Variants in PRKAG2 observed in about 807,000 individuals in gnomAD.
PRKAG2 encodes the protein 5'-AMP-activated protein kinase subunit gamma-2.
Under a neutral mutation model 69.6 loss-of-function variants are expected in PRKAG2, and 26 were observed. The observed-to-expected ratio is 0.37, with a 90% CI of 0.27 to 0.52. The LOEUF is 0.52. Ranked by LOEUF, PRKAG2 falls within the 20% of genes least tolerant of loss-of-function variation. The probability of loss-of-function intolerance (pLI) is 0.90; values close to 1 mark genes in which losing one functional copy is unlikely to be tolerated. For missense variants in PRKAG2, 557 were observed against 740.0 expected (o/e 0.75, Z 2.87); for synonymous variants, 293 against 285.0 (o/e 1.03, Z -0.28).
intron 1 of PRKAG2, among the ~76,000 whole-genome samples, chr7:151,800,226 C>T (rs774954882): frequency 5.2e-4 from 79 of 152,028 alleles, no homozygotes; most frequent in Non-Finnish European, 9.0e-4. Context: ...GGTGTGGTGG[C>T]GGGCACCTGT....
At chr7:151,747,447 C>T (rs1483705605) in intron 3 of PRKAG2, among the ~76,000 whole-genome samples, 1 of 152,116 alleles carries the variant, frequency 6.6e-6, no homozygotes, top group East Asian at 1.9e-4. Context: ...ATCCCAGTTA[C>T]TCAGGAGGCT....
intron 3 of PRKAG2, among the ~76,000 whole-genome samples, chr7:151,748,732 G>A (rs1415273024): frequency 6.6e-6 from 1 of 152,114 alleles, no homozygotes; most frequent in East Asian, 1.9e-4. Flanking sequence ...AAATCAGCAA[G>A]GTACATTCTC....
intron 3 of PRKAG2, among the ~76,000 whole-genome samples, chr7:151,726,277 G>A (rs775766592): frequency 6.6e-6 from 1 of 152,026 alleles, no homozygotes; most frequent in Non-Finnish European, 1.5e-5. Flanking sequence ...AGAGCCGGAT[G>A]GTGGCAGAAG....
At chr7:151,584,149 C>T (rs761336329) in intron 6 of PRKAG2, among the ~76,000 whole-genome samples, 7 of 152,246 alleles carry the variant, frequency 4.6e-5, no homozygotes, top group Non-Finnish European at 1.5e-5. Context: ...ACTCATCTTC[C>T]ATGCCCCTCC....
At chr7:151,590,369 C>A (rs1424517804) in intron 6 of PRKAG2, among the ~76,000 whole-genome samples, 1 of 152,180 alleles carries the variant, frequency 6.6e-6, no homozygotes, top group Non-Finnish European at 1.5e-5. Flanking sequence ...CATAACTCTG[C>A]GGGGTGTGGA....
chr7:151,664,228 C>T (rs982985359), intron 4 of PRKAG2, among the ~76,000 whole-genome samples: 1 of 152,190 alleles, frequency 6.6e-6, no homozygotes, highest in Admixed American at 6.5e-5. Context: ...TGGTTCAAAT[C>T]TTGGCTTTAG....
intron 1 of PRKAG2, among the ~76,000 whole-genome samples, chr7:151,832,046 G>C (rs545240286): frequency 3.0e-4 from 45 of 152,274 alleles, no homozygotes; most frequent in African/African-American, 1.1e-3. Context: ...CAAGATGGAG[G>C]AATCTCAGGA....
In PRKAG2 at chr7:151,866,876, AC is replaced by A. The variant is rs57404506; in HGVS notation, c.114+9630del. Among the ~76,000 whole-genome samples, 656 of 111,132 alleles carry A rather than the reference AC, an allele frequency of 5.9e-3. 4 individuals carry two copies. Among genetic ancestry groups the A allele is most frequent in the African/African-American group, 0.022 (626 of 28,426 alleles). 72.9% of individuals were successfully genotyped at this position (111,132 alleles called of 152,430 possible). A position where few individuals can be genotyped will look rare whatever the true frequency, so the allele number is the denominator to read the frequency against. On this transcript the variant is annotated intron_variant, in intron 1 of 15. Coordinates refer to ENST00000287878, the MANE Select transcript of PRKAG2 (RefSeq NM_016203.4). Reference sequence around the variant, plus strand: ...CCCCACCCCTCGCACACACCTCTGCACCCCTGGCCCCAGGAGGCTAAGTCTT... The same window carrying A: ...CCCCACCCCTCGCACACACCTCTGCACCCTGGCCCCAGGAGGCTAAGTCTT...
intron 3 of PRKAG2, among the ~76,000 whole-genome samples, chr7:151,717,283 C>T (rs1444417064): frequency 6.6e-6 from 1 of 151,466 alleles, no homozygotes; most frequent in Non-Finnish European, 1.5e-5. Flanking sequence ...AAAGAGGTTG[C>T]CTTCATAAAG....
chr7:151,868,646 C>T (rs374343668), intron 1 of PRKAG2, among the ~76,000 whole-genome samples: 14 of 152,336 alleles, frequency 9.2e-5, no homozygotes, highest in South Asian at 4.1e-4. Context: ...TCGGTGATCA[C>T]GTTCATTGGT....
chr7:151,560,716 A>C (rs927031358), intron 14 of PRKAG2, 99 bp from the exon 15 acceptor site: 2 of 1,445,860 alleles, frequency 1.4e-6, no homozygotes, highest in Non-Finnish European at 1.9e-6. Context: ...TATGATCAAC[A>C]CATCCCTCCA....
chr7:151,583,572 C>A lies in PRKAG2; in HGVS notation c.865-7120G>T, dbSNP rs1345538708. Among the ~76,000 whole-genome samples the A allele has an allele frequency of 6.6e-6, 1 of 152,138 alleles. No individual in the cohort carries two copies. Among genetic ancestry groups the A allele is most frequent in the Non-Finnish European group, 1.5e-5 (1 of 68,036 alleles). On this transcript the variant is annotated intron_variant, in intron 6 of 15. Transcript: ENST00000287878. This position sits in a 1 kb window ranked among gnomAD's most constrained non-coding sequence, Gnocchi z 4.1. ...GTTTATAAAGCAATTTAAAATCATA[C>A]TTGGAAAATTCTCCATAATTATAGA...
At chr7:151,720,351 G>A (rs982446433) in intron 3 of PRKAG2, among the ~76,000 whole-genome samples, 15 of 151,954 alleles carry the variant, frequency 9.9e-5, no homozygotes, top group African/African-American at 3.4e-4. Context: ...CTAGATAGGA[G>A]AGTCTACCTA....
chr7:151,847,504 G>T (rs1413895467), intron 1 of PRKAG2, among the ~76,000 whole-genome samples: 1 of 152,122 alleles, frequency 6.6e-6, no homozygotes, highest in East Asian at 1.9e-4. Context: ...CCTTCCCACA[G>T]GACATCGACA....
chr7:151,846,528 C>G (rs2079436795), intron 1 of PRKAG2, among the ~76,000 whole-genome samples: 1 of 152,040 alleles, frequency 6.6e-6, no homozygotes, highest in Admixed American at 6.5e-5. Context: ...AAAAATTGTG[C>G]AGGTGTGAAT....
chr7:151,623,514 G>A (rs572345992), intron 5 of PRKAG2, among the ~76,000 whole-genome samples: 6 of 152,098 alleles, frequency 3.9e-5, no homozygotes, highest in Admixed American at 2.6e-4. Flanking sequence ...GGTAATGCTC[G>A]CTCGCCTGCT....
At chr7:151,663,981 C>A (rs1459114641) in intron 4 of PRKAG2, among the ~76,000 whole-genome samples, 2 of 152,212 alleles carry the variant, frequency 1.3e-5, no homozygotes, top group African/African-American at 4.8e-5. Context: ...GCTGTTGCAG[C>A]ATGAAAACGG....
chr7:151,749,553 T>C (rs1273238964), intron 3 of PRKAG2, among the ~76,000 whole-genome samples: 1 of 152,154 alleles, frequency 6.6e-6, no homozygotes, highest in East Asian at 1.9e-4. Context: ...AGAAAATATT[T>C]GCAAGTCATA....
chr7:151,865,823 T>G (rs1296457705), intron 1 of PRKAG2, among the ~76,000 whole-genome samples: 1 of 151,960 alleles, frequency 6.6e-6, no homozygotes, highest in Non-Finnish European at 1.5e-5. Flanking sequence ...ATTGAGACCA[T>G]CCTGGCTAAC....
Sources: gnomAD v4.1 joint callset for allele counts (sites outside exome capture counted in the v4.1 genomes callset) on GRCh38, gnomAD v4.1.1 for gene constraint, Gnocchi (gnomAD v3.1) non-coding constraint, MANE v1.5 for transcripts, NCBI Gene and HGNC (gene_info 2026-07-23, HGNC 2026-07-21) for gene names.